Variants in IL4I1 observed in about 807,000 individuals in gnomAD.
IL4I1 encodes interleukin 4 induced 1.
IL4I1 carries 24 observed loss-of-function variants against 29.7 expected under a neutral mutation model. The observed-to-expected ratio is 0.81, with a 90% CI of 0.59 to 1.14. The LOEUF is 1.14. Among genes scored for constraint, IL4I1 ranks in the 50% most tolerant of loss-of-function variants. IL4I1 has a pLI of 0.00. For missense variants in IL4I1, 686 were observed against 785.6 expected, an observed-to-expected ratio of 0.87 and a Z score of 1.52; for synonymous variants, 371 against 352.5, an observed-to-expected ratio of 1.05 and a Z score of -0.59.
rs372406355 is a variant in IL4I1, at chr19:49,915,423, C to T, written c.-227-11102G>A. 2.6e-4 allele frequency among the ~76,000 whole-genome samples: 40 copies of T among 152,306 alleles called. No individual in the cohort carries two copies. In the East Asian group the frequency reaches 2.9e-3, roughly 11 times the overall value. On this transcript the variant is annotated intron_variant, in intron 2 of 9. Coordinates refer to the IL4I1 transcript ENST00000341114. The stretch of plus-strand genomic sequence containing the variant: ...GGGGCCACAAGCCAAGGAACACAGG[C>T]GGCTTCGGCCTCTAGAGCTAAAGAA...
At chr19:49,920,697 G>A (rs1450720688) in intron 2 of IL4I1, among the ~76,000 whole-genome samples, 1 of 152,232 alleles carries the variant, frequency 6.6e-6, no homozygotes, top group East Asian at 1.9e-4. Flanking sequence ...GGCCGGTAAT[G>A]CTGGTTGAGA....
upstream of IL4I1, chr19:49,901,597 C>G: frequency 7.3e-7 from 1 of 1,365,974 alleles, no homozygotes; most frequent in Admixed American, 2.7e-5. Context: ...ACCCTCCTTC[C>G]TGTTTCCAGA....
intron 5 of IL4I1, among the ~76,000 whole-genome samples, chr19:49,892,062 C>T (rs2075146733): frequency 6.6e-6 from 1 of 150,818 alleles, no homozygotes; most frequent in Non-Finnish European, 1.5e-5. Flanking sequence ...AAGGCCCCTG[C>T]TAGCCCCTCA....
At chr19:49,912,482 T>G (rs2075495337) in intron 2 of IL4I1, among the ~76,000 whole-genome samples, 1 of 151,788 alleles carries the variant, frequency 6.6e-6, no homozygotes, top group East Asian at 2.0e-4. Context: ...AGTTCACCAT[T>G]TATTAAGTGC....
At chr19:49,908,108 T>G in intron 2 of IL4I1, 25 of 1,504,498 alleles carry the variant, frequency 1.7e-5, no homozygotes, top group Non-Finnish European at 2.1e-5. Flanking sequence ...ACAGCGATCA[T>G]GTCAAGGGCA....
Position 49,921,370 on chromosome 19 carries a change from C to G in IL4I1, c.-228+6324G>C, listed in dbSNP as rs543278163. On this transcript the variant is annotated intron_variant, in intron 2 of 9. Coordinates refer to the IL4I1 transcript ENST00000341114. This position sits in a 1 kb window ranked among gnomAD's most constrained non-coding sequence, Gnocchi z 5.4. ...TGCTCCCCACTGCCACCACCATCAC[C>G]GTCCCCTGCCTCATCCAGTCCCCCT... 3.3e-5 allele frequency among the ~76,000 whole-genome samples: 5 copies of G among 152,232 alleles called. No homozygotes were observed.
At chr19:49,908,785 G>A in intron 2 of IL4I1, 3 of 1,613,772 alleles carry the variant, frequency 1.9e-6, no homozygotes, top group Non-Finnish European at 2.5e-6. Flanking sequence ...CTAGCTCCAG[G>A]CTCCATTTGT....
At chr19:49,910,177 C>CT (rs2075427956) in intron 2 of IL4I1, among the ~76,000 whole-genome samples, 1 of 152,124 alleles carries the variant, frequency 6.6e-6, no homozygotes, top group Non-Finnish European at 1.5e-5. Context: ...CCACCTCAGC[C>CT]TGAGGAGATC....
At chr19:49,891,212 T>C (rs1224646274) in intron 6 of IL4I1, 105 bp from the exon 7 acceptor site, 4 of 1,494,382 alleles carry the variant, frequency 2.7e-6, no homozygotes, top group African/African-American at 1.4e-5. Context: ...CCTTGGACCG[T>C]AGGATCCTGT....
chr19:49,923,801 G>A (rs777546273), intron 2 of IL4I1, among the ~76,000 whole-genome samples: 2 of 152,374 alleles, frequency 1.3e-5, no homozygotes, highest in African/African-American at 2.4e-5. Flanking sequence ...CACAGAAGTG[G>A]TGGAGTTGGG....
intron 2 of IL4I1, among the ~76,000 whole-genome samples, chr19:49,914,747 T>G (rs1028110020): frequency 2.3e-5 from 3 of 128,578 alleles, no homozygotes; most frequent in African/African-American, 9.6e-5. Flanking sequence ...TTTTTTTTTT[T>G]TTTTTTTTTT....
intron 2 of IL4I1, chr19:49,918,501 G>C (rs910523138): frequency 4.6e-5 from 7 of 152,250 alleles, no homozygotes; most frequent in African/African-American, 1.4e-4. Context: ...GGAAGGGACA[G>C]GGATACCTGT....
intron 2 of IL4I1, chr19:49,909,316 G>T: frequency 6.2e-7 from 1 of 1,613,982 alleles, no homozygotes; most frequent in Non-Finnish European, 8.5e-7. Context: ...GTTGGGCCGT[G>T]CTTCCACCAG....
At chr19:49,890,641 TC>T in intron 7 of IL4I1, 41 bp from the exon 8 acceptor site, 1 of 1,444,442 alleles carries the variant, frequency 6.9e-7, no homozygotes, top group East Asian at 2.5e-5. Context: ...TGACCTGGGC[TC>T]TGCGGCCCTG....
intron 1 of IL4I1, chr19:49,928,839 T>C (rs912449115): frequency 2.6e-5 from 4 of 152,156 alleles, no homozygotes; most frequent in Non-Finnish European, 5.9e-5. Flanking sequence ...AATGAACTGG[T>C]GCAGGTCTGC....
intron 2 of IL4I1, chr19:49,907,695 C>G: frequency 2.9e-6 from 1 of 349,196 alleles, no homozygotes; most frequent in Non-Finnish European, 5.5e-6. Context: ...TCCACCACAC[C>G]TGACTAATTT....
At chr19:49,923,241 T>C (rs1254894438) in intron 2 of IL4I1, among the ~76,000 whole-genome samples, 3 of 152,176 alleles carry the variant, frequency 2.0e-5, no homozygotes, top group Non-Finnish European at 4.4e-5. Context: ...TACCTGCCCT[T>C]GTTTGCCAGG....
intron 2 of IL4I1, among the ~76,000 whole-genome samples, chr19:49,920,251 T>G (rs1360836950): frequency 6.6e-6 from 1 of 152,218 alleles, no homozygotes; most frequent in African/African-American, 2.4e-5. Context: ...CCCAGCTAAC[T>G]TTTGTATTTT....
At chr19:49,891,592 T>C in intron 5 of IL4I1, 119 bp from the exon 6 acceptor site, 1 of 846,492 alleles carries the variant, frequency 1.2e-6, no homozygotes, top group Non-Finnish European at 2.0e-6. Context: ...CATTCACCAC[T>C]CTCAAGCCCC....
Sources: gnomAD v4.1 joint callset for allele counts (sites outside exome capture counted in the v4.1 genomes callset) on GRCh38, gnomAD v4.1.1 for gene constraint, Gnocchi (gnomAD v3.1) non-coding constraint, MANE v1.5 for transcripts, NCBI Gene and HGNC (gene_info 2026-07-23, HGNC 2026-07-21) for gene names.